Variants in TCF12 observed in about 807,000 individuals in gnomAD.
TCF12 encodes the protein DNA-binding protein HTF4.
In TCF12, 45 loss-of-function variants were observed where a neutral mutation model predicts 86.0. The ratio of observed to expected loss-of-function variants is 0.52; its 90% CI spans 0.41 to 0.67. The LOEUF (loss-of-function observed/expected upper bound fraction) is 0.67. Ranked by LOEUF, TCF12 falls within the 30% of genes least tolerant of loss-of-function variation. The probability of loss-of-function intolerance (pLI) is 0.00; values close to 1 mark genes in which losing one functional copy is unlikely to be tolerated. For missense variants in TCF12, 881 were observed against 859.9 expected (o/e 1.02, Z -0.31); for synonymous variants, 330 against 299.6 (o/e 1.10, Z -1.05).
At chr15:57,202,832 C>T (rs952880645) in intron 8 of TCF12, among the ~76,000 whole-genome samples, 4 of 152,082 alleles carry the variant, frequency 2.6e-5, no homozygotes, top group Non-Finnish European at 2.9e-5. Context: ...ATGCCTATCT[C>T]AGATGTTATT....
chr15:56,970,747 G>T (rs1322540196), intron 3 of TCF12, among the ~76,000 whole-genome samples: 1 of 151,136 alleles, frequency 6.6e-6, no homozygotes, highest in African/African-American at 2.5e-5. Flanking sequence ...TCAAAAGACA[G>T]ATAGAAAATT....
intron 3 of TCF12, among the ~76,000 whole-genome samples, chr15:56,931,992 A>T (rs879420321): frequency 6.6e-6 from 1 of 152,182 alleles, no homozygotes; most frequent in Non-Finnish European, 1.5e-5. Flanking sequence ...GGAACACAAA[A>T]CATGCCATAG....
intron 3 of TCF12, among the ~76,000 whole-genome samples, chr15:57,007,216 A>T (rs1171301207): frequency 6.6e-6 from 1 of 152,236 alleles, no homozygotes; most frequent in Non-Finnish European, 1.5e-5. Context: ...TGCAAGAAAC[A>T]GTAAACCATG....
chr15:57,215,258 C>T (rs545420056), intron 8 of TCF12, among the ~76,000 whole-genome samples: 33 of 152,138 alleles, frequency 2.2e-4, no homozygotes, highest in Non-Finnish European at 3.2e-4. Context: ...AGACAGCATT[C>T]ACTCACATGT....
At chr15:57,223,832 A>G (rs540409682) in intron 8 of TCF12, among the ~76,000 whole-genome samples, 6 of 151,764 alleles carry the variant, frequency 4.0e-5, no homozygotes, top group Admixed American at 6.6e-5. Context: ...ACATGAGAGA[A>G]GAATATACAA....
chr15:57,277,077 A>G (rs1322704388), intron 19 of TCF12, among the ~76,000 whole-genome samples: 2 of 152,134 alleles, frequency 1.3e-5, no homozygotes, highest in Non-Finnish European at 2.9e-5. Context: ...AAGTGCTGAG[A>G]TCACAGACGT....
chr15:57,084,609 G>A (rs1235455607), intron 4 of TCF12, among the ~76,000 whole-genome samples: 2 of 152,062 alleles, frequency 1.3e-5, no homozygotes, highest in South Asian at 2.1e-4. Context: ...TTGCCAATAA[G>A]TCAGTTTTAA....
intron 8 of TCF12, among the ~76,000 whole-genome samples, chr15:57,229,905 T>C (rs959201646): frequency 2.6e-5 from 4 of 151,894 alleles, no homozygotes; most frequent in Non-Finnish European, 4.4e-5. Context: ...AAAGAATAAA[T>C]TAATATAATT....
At chr15:57,149,736 T>G (rs1442738690) in intron 5 of TCF12, among the ~76,000 whole-genome samples, 1 of 152,184 alleles carries the variant, frequency 6.6e-6, no homozygotes, top group East Asian at 1.9e-4. Context: ...GATCCAACTT[T>G]TCAGGTTATC....
chr15:57,188,786 TATA>T lies in TCF12; in HGVS notation c.391-3366_391-3364del, dbSNP rs201586109. Among the ~76,000 whole-genome samples, 1,127 of 152,294 alleles carry T rather than the reference TATA, an allele frequency of 7.4e-3. 13 individuals carry two copies. Among genetic ancestry groups the T allele is most frequent in the African/African-American group, 0.026 (1,069 of 41,552 alleles). On this transcript the variant is annotated intron_variant, in intron 6 of 20. Coordinates refer to ENST00000333725, the MANE Select transcript of TCF12 (RefSeq NM_207037.2). ...TCTTCATCACAACATATACAGAAAT[TATA>T]ATAATTATCATTATTTTGAGACAGG...
At chr15:57,086,346 G>A (rs1393196820) in intron 4 of TCF12, among the ~76,000 whole-genome samples, 5 of 151,418 alleles carry the variant, frequency 3.3e-5, no homozygotes, top group Admixed American at 1.3e-4. Context: ...TGAAGTGAAC[G>A]CATTCTTATT....
chr15:57,186,853 A>G (rs952334353), intron 6 of TCF12, among the ~76,000 whole-genome samples: 10 of 152,244 alleles, frequency 6.6e-5, no homozygotes, highest in South Asian at 2.1e-4. Context: ...AAGAAAGGGG[A>G]AAAAAACCCA....
chr15:57,194,977 A>G (rs1412432330), intron 7 of TCF12, among the ~76,000 whole-genome samples: 1 of 152,114 alleles, frequency 6.6e-6, no homozygotes, highest in Admixed American at 6.5e-5. Context: ...ATCTCGGCTC[A>G]CTGCAACCTC....
chr15:57,192,276 A>G lies in TCF12; in HGVS notation c.509A>G (p.His170Arg). The G allele has an allele frequency of 6.2e-7, 1 of 1,614,052 alleles. No individual in the cohort carries two copies. Among genetic ancestry groups the G allele is most frequent in the Non-Finnish European group, 8.5e-7 (1 of 1,179,984 alleles). The change falls in exon 7 of 21, where the codon CAT becomes CGT. Residue 170 changes from histidine to arginine, a missense_variant. By Grantham distance (29) the His-to-Arg change is conservative. Transcript: ENST00000333725. ...ACAAGTTCCAGGAGGAGACCACTCCATGACTCTGCAGCGCTTGGTGAGTGT... is the reference window on the plus strand; with the variant it reads ...ACAAGTTCCAGGAGGAGACCACTCCGTGACTCTGCAGCGCTTGGTGAGTGT... ...SATSSRRRPLHDSAALDPLQA... is the reference protein window; with the variant it reads ...SATSSRRRPLRDSAALDPLQA...
intron 3 of TCF12, among the ~76,000 whole-genome samples, chr15:57,056,153 G>GTGTGTC (rs1322232735): frequency 7.1e-6 from 1 of 140,934 alleles, no homozygotes; most frequent in Non-Finnish European, 1.6e-5. Flanking sequence ...GTGTGTGTGT[G>GTGTGTC]TTTTGAGACA....
At chr15:57,005,062 T>C (rs2141090646) in intron 3 of TCF12, among the ~76,000 whole-genome samples, 1 of 152,356 alleles carries the variant, frequency 6.6e-6, no homozygotes, top group East Asian at 1.9e-4. Flanking sequence ...AATATCTCTC[T>C]ACTACTATTT....
intron 3 of TCF12, among the ~76,000 whole-genome samples, chr15:57,063,096 G>C (rs1172737894): frequency 2.0e-5 from 3 of 152,188 alleles, no homozygotes; most frequent in Non-Finnish European, 4.4e-5. Flanking sequence ...TTCTCACTGT[G>C]AATTTTCTTT....
chr15:57,130,678 G>T (rs918286344), intron 5 of TCF12, among the ~76,000 whole-genome samples: 1 of 152,060 alleles, frequency 6.6e-6, no homozygotes, highest in Non-Finnish European at 1.5e-5. Flanking sequence ...GTGTTAAAGA[G>T]ATTCTTTTTT....
chr15:56,953,488 A>G (rs213145), intron 3 of TCF12, among the ~76,000 whole-genome samples: 143,305 of 151,988 alleles, frequency 0.94, 67,882 homozygotes, highest in Non-Finnish European at 0.99. Flanking sequence ...GATTATAATT[A>G]GTATTATTTT....
Sources: allele counts gnomAD v4.1 joint callset (sites outside exome capture counted in the v4.1 genomes callset), GRCh38; gene constraint gnomAD v4.1.1; transcripts MANE v1.5; gene names NCBI Gene and HGNC (gene_info 2026-07-23, HGNC 2026-07-21).